Variants in FGF20 observed in about 807,000 individuals in gnomAD.
The protein encoded by FGF20 is fibroblast growth factor 20.
A neutral mutation model predicts 16.7 loss-of-function variants in FGF20; 8 were observed. The observed-to-expected ratio is 0.48, with a 90% CI of 0.28 to 0.87. The LOEUF (loss-of-function observed/expected upper bound fraction) is 0.87, where lower values mean the gene tolerates loss of function less well. Ranked by LOEUF, FGF20 falls within the 40% of genes least tolerant of loss-of-function variation. The pLI, the probability that FGF20 is intolerant of heterozygous loss-of-function variation, is 0.10. For missense variants in FGF20, 397 were observed against 281.4 expected (o/e 1.41, Z -2.94); for synonymous variants, 161 against 118.6 (o/e 1.36, Z -2.32).
At chr8:17,000,435 G>T (rs1305449761) in intron 1 of FGF20, among the ~76,000 whole-genome samples, 1 of 151,382 alleles carries the variant, frequency 6.6e-6, no homozygotes, top group African/African-American at 2.4e-5. Context: ...AGTCAAAAAG[G>T]GAATAATTAT....
Position 16,996,969 on chromosome 8 carries a change from A to G in FGF20, c.287-1211T>C, listed in dbSNP as rs191174746. ...AACATGCTATGTTTCCTGCTGTGTA[A>G]TTTTTAAAATTAAATTGTATAGTTC... On this transcript the variant is annotated intron_variant, in intron 1 of 2. Transcript: ENST00000180166. 5.3e-5 allele frequency among the ~76,000 whole-genome samples: 8 copies of G among 152,310 alleles called. No homozygotes were observed. The East Asian group carries it at 1.5e-3, about 29-fold the overall frequency.
intron 1 of FGF20, among the ~76,000 whole-genome samples, chr8:16,998,886 CAA>C (rs34706124): frequency 0.38 from 54,302 of 142,004 alleles, 11,052 homozygotes; most frequent in East Asian, 0.51. Flanking sequence ...ATAAAACTGG[CAA>C]AAAAAAAAAA....
chr8:16,994,177 G>C (rs373854822), intron 2 of FGF20, among the ~76,000 whole-genome samples: 1 of 152,112 alleles, frequency 6.6e-6, no homozygotes, highest in Non-Finnish European at 1.5e-5. Flanking sequence ...CAGACCTGTA[G>C]TTTATCTTTT....
Position 17,002,175 on chromosome 8 carries a change from C to G in FGF20, c.-143G>C. 2 of 776,070 alleles carry G rather than the reference C, an allele frequency of 2.6e-6. No individual in the cohort carries two copies. The highest frequency in any genetic ancestry group is 5.4e-5 in the South Asian group (2 of 37,076). The allele number at this position is 776,070 out of a possible 1,614,324, so 48.1% of individuals were successfully genotyped here. On this transcript the variant is annotated 5_prime_UTR_variant, in exon 1 of 3. Transcript: ENST00000180166. Reference sequence around the variant, plus strand: ...CTCCTCTGAGGTCGCTCCGGAGGGACTTTGCACTGAAATGGCAGGGAAGCT... The same window carrying G: ...CTCCTCTGAGGTCGCTCCGGAGGGAGTTTGCACTGAAATGGCAGGGAAGCT...
rs769148271 is a variant in FGF20 at position 16,992,886 on chromosome 8, T to G, written c.*186A>C. On this transcript the variant is annotated 3_prime_UTR_variant, in exon 3 of 3. Coordinates refer to ENST00000180166, the MANE Select transcript of FGF20 (RefSeq NM_019851.3). ...AACTTAATCCACATATAAAGAGTGA[T>G]CATGATCTATTTCTAGTCAAAATTT... is the stretch of plus-strand genomic sequence containing the variant. The G allele has an allele frequency of 1.0e-4, 68 of 654,390 alleles. No individual in the cohort carries two copies. The highest frequency in any genetic ancestry group is 3.7e-4 in the Admixed American group (12 of 32,712). 40.5% of individuals were successfully genotyped at this position (654,390 alleles called of 1,614,324 possible).
intron 1 of FGF20, among the ~76,000 whole-genome samples, chr8:16,998,803 G>C (rs1187226029): frequency 3.3e-5 from 5 of 151,256 alleles, no homozygotes; most frequent in African/African-American, 7.3e-5. Flanking sequence ...TATTAGGTAA[G>C]CTGTTCCTGC....
chr8:16,995,432 A>C (rs1008335650), intron 2 of FGF20, among the ~76,000 whole-genome samples: 3 of 152,224 alleles, frequency 2.0e-5, no homozygotes, highest in African/African-American at 7.2e-5. Flanking sequence ...TATAGGAAGA[A>C]CTAATGAGCT....
intron 1 of FGF20, among the ~76,000 whole-genome samples, chr8:16,999,215 C>G (rs895155518): frequency 6.6e-6 from 1 of 152,160 alleles, no homozygotes; most frequent in African/African-American, 2.4e-5. Flanking sequence ...GTATTTTGTT[C>G]CTATACATAG....
intron 2 of FGF20, among the ~76,000 whole-genome samples, chr8:16,993,528 C>T (rs902054925): frequency 6.7e-6 from 1 of 150,362 alleles, no homozygotes; most frequent in Non-Finnish European, 1.5e-5. Flanking sequence ...GTTGCAGTCC[C>T]CACCTCTTTG....
Position 16,992,833 on chromosome 8 carries a change from G to T in FGF20, c.*239C>A, listed in dbSNP as rs1455945343. 1 of 431,008 alleles carries T rather than the reference G, an allele frequency of 2.3e-6. No homozygotes were observed. Among genetic ancestry groups the T allele is most frequent in the East Asian group, 4.4e-5 (1 of 22,596 alleles). The allele number at this position is 431,008 out of a possible 1,614,324, so 26.7% of individuals were successfully genotyped here. On this transcript the variant is annotated 3_prime_UTR_variant, in exon 3 of 3. Transcript: ENST00000180166. ...ACAGATTTTTGGCTTCAGTCTACTG[G>T]TAAGGACTAATCCAATGTATCTAAG...
chr8:17,000,798 C>T (rs1160024009), intron 1 of FGF20, among the ~76,000 whole-genome samples: 1 of 151,984 alleles, frequency 6.6e-6, no homozygotes, highest in Non-Finnish European at 1.5e-5. Context: ...GATCTAGTAT[C>T]TTAACAGACA....
chr8:16,997,432 C>A (rs190077816), intron 1 of FGF20, among the ~76,000 whole-genome samples: 1 of 152,140 alleles, frequency 6.6e-6, no homozygotes, highest in African/African-American at 2.4e-5. Flanking sequence ...TGTTTGGACA[C>A]GTGATACTCC....
In FGF20 at chr8:17,002,080, G is replaced by C. The variant is rs1271903567; in HGVS notation, c.-48C>G. The C allele has an allele frequency of 3.4e-6, 5 of 1,480,986 alleles. No individual in the cohort carries two copies. The South Asian group carries it at 5.3e-5, about 16-fold the overall frequency. 91.7% of individuals were successfully genotyped at this position (1,480,986 alleles called of 1,614,324 possible). On this transcript the variant is annotated 5_prime_UTR_variant, in exon 1 of 3. Transcript: ENST00000180166. ...AAAGACCCCCCCAGTAAAGAGTGTT[G>C]TGGGGGTGGGATGGAGGTGGATAGA...
At position 16,993,135 on chromosome 8, in the gene FGF20, T is replaced by G. The variant is rs762432192; in HGVS notation, c.573A>C (p.Leu191Phe). 18 of 1,614,026 alleles carry G rather than the reference T, an allele frequency of 1.1e-5. No individual in the cohort carries two copies. Among genetic ancestry groups the G allele is most frequent in the Non-Finnish European group, 1.4e-5 (17 of 1,180,024 alleles). The change falls in exon 3 of 3, where the codon TTA becomes TTC. Residue 191 changes from leucine (L) to phenylalanine (F), a missense_variant. Leu to Phe is a conservative substitution (Grantham distance 22). Transcript: ENST00000180166. ...SKRHQKFTHF[L>F]PRPVDPERVP... ...CTCTTTCTGGATCCACTGGTCTAGG[T>G]AAGAAATGTGTAAATTTCTGATGCC...
intron 1 of FGF20, among the ~76,000 whole-genome samples, chr8:16,998,647 C>T (rs756906538): frequency 6.6e-6 from 1 of 152,062 alleles, no homozygotes; most frequent in African/African-American, 2.4e-5. Context: ...TTTTAATAAT[C>T]ATAATAAACA....
chr8:16,994,231 T>G (rs1809989268), intron 2 of FGF20, among the ~76,000 whole-genome samples: 1 of 152,206 alleles, frequency 6.6e-6, no homozygotes, highest in Admixed American at 6.5e-5. Context: ...GTCTCTACTC[T>G]CACCTTGGAG....
chr8:16,993,158 G>T lies in FGF20; in HGVS notation c.550C>A (p.His184Asn). 1.2e-6 allele frequency: 2 copies of T among 1,614,026 alleles called. No individual in the cohort carries two copies. Among genetic ancestry groups the T allele is most frequent in the Non-Finnish European group, 1.7e-6 (2 of 1,180,000 alleles). Residue 184 changes from histidine to asparagine, a missense_variant, in exon 3 of 3, where the codon CAT (histidine) becomes AAT (asparagine). His to Asn is a moderately conservative substitution (Grantham distance 68). Coordinates refer to ENST00000180166, the MANE Select transcript of FGF20 (RefSeq NM_019851.3). ...GGTAAGAAATGTGTAAATTTCTGAT[G>T]CCTCTTGGACCTGGCGCCATCTCTT... ...TPRDGARSKR[H>N]QKFTHFLPRP...
chr8:16,992,968 A>G lies in FGF20; in HGVS notation c.*104T>C. On this transcript the variant is annotated 3_prime_UTR_variant, in exon 3 of 3. Coordinates refer to ENST00000180166, the MANE Select transcript of FGF20 (RefSeq NM_019851.3). The stretch of plus-strand genomic sequence containing the variant: ...AATCCAGTCTCTCAGTAGAAAATAG[A>G]CTTTAATATTTTGAACGTCTCCTTG... The G allele has an allele frequency of 7.2e-7, 1 of 1,380,018 alleles. No homozygotes were observed. The allele number at this position is 1,380,018 out of a possible 1,614,324, so 85.5% of individuals were successfully genotyped here.
chr8:17,001,619 G>T (rs1810185402), intron 1 of FGF20, 128 bp downstream of exon 1: 8 of 1,136,646 alleles, frequency 7.0e-6, no homozygotes, highest in Non-Finnish European at 9.4e-6. Context: ...CACCGGATGG[G>T]TCCAGGGGAG....
Sources: gnomAD v4.1 joint callset for allele counts (sites outside exome capture counted in the v4.1 genomes callset) on GRCh38, gnomAD v4.1.1 for gene constraint, MANE v1.5 for transcripts, NCBI Gene and HGNC (gene_info 2026-07-23, HGNC 2026-07-21) for gene names.